FN1: variants seen among roughly 807,000 people sequenced by gnomAD.
The protein encoded by FN1 is fibronectin 1, also known as fibronectin.
In FN1, 106 loss-of-function variants were observed where a neutral mutation model predicts 297.3. The observed-to-expected ratio is 0.36, with a 90% CI of 0.30 to 0.42. The LOEUF (loss-of-function observed/expected upper bound fraction) is 0.42, where lower values mean the gene tolerates loss of function less well. FN1 is among the 10% of genes least tolerant of loss of function. The pLI is 1.00. For synonymous variants in FN1, 1,149 were observed against 1,152.6 expected (o/e 1.00, Z 0.06); for missense variants, 2,690 against 3,124.9 (o/e 0.86, Z 3.32).
At chr2:215,434,638 T>G in intron 2 of FN1, 58 bp downstream of exon 2, 1 of 1,601,394 alleles carries the variant, frequency 6.2e-7, no homozygotes, top group Non-Finnish European at 8.6e-7. Flanking sequence ...ATGCAAAGTT[T>G]AACAATTACC....
At chr2:215,362,680 T>C (rs1393015349) in intron 44 of FN1, 1 of 155,212 alleles carries the variant, frequency 6.4e-6, no homozygotes. Flanking sequence ...TGGCCGGAGA[T>C]GGCATGGGAG....
At chr2:215,423,087 T>C (rs1013699946) in intron 9 of FN1, among the ~76,000 whole-genome samples, 2 of 152,158 alleles carry the variant, frequency 1.3e-5, no homozygotes, top group African/African-American at 2.4e-5. Context: ...TAAGTAATTA[T>C]ATTTTTGACA....
rs772706420 is a variant in FN1, at chr2:215,433,420, G to C, written c.319C>G (p.Arg107Gly). 2 of 1,614,128 alleles carry C rather than the reference G, an allele frequency of 1.2e-6. No individual in the cohort carries two copies. The highest frequency in any genetic ancestry group is 1.1e-5 in the South Asian group (1 of 91,080). ...CFDKYTGNTY[R>G]VGDTYERPKD... ...GGACGCTCATAAGTGTCACCCACTC[G>C]GTAAGTGTTCCCAGTGTACTTGTCA... The change falls in exon 3 of 46, where the codon CGA becomes GGA. Residue 107 changes from arginine to glycine, a missense_variant. Physicochemically the swap from Arg to Gly is moderately radical, Grantham distance 125. Transcript: ENST00000354785.
At chr2:215,426,467 T>C (rs900888278) in intron 6 of FN1, among the ~76,000 whole-genome samples, 13 of 151,118 alleles carry the variant, frequency 8.6e-5, no homozygotes, top group Admixed American at 2.0e-4. Context: ...TTTCAACTTT[T>C]AGATATCTGT....
intron 20 of FN1, among the ~76,000 whole-genome samples, chr2:215,401,240 AAGAAAGAAAGG>A (rs766327625): frequency 0.011 from 739 of 64,660 alleles, 16 homozygotes; most frequent in Middle Eastern, 0.043. Context: ...GAAAGAAAGA[AAGAAAGAAAGG>A]AAGAAAGAAA....
chr2:215,419,340 T>A lies in FN1; in HGVS notation c.1721A>T (p.Asp574Val). The change falls in exon 12 of 46, where the codon GAT becomes GTT. Residue 574 changes from aspartate (D) to valine (V), a missense_variant. Asp to Val is a radical substitution (Grantham distance 152). Coordinates refer to ENST00000354785, the MANE Select transcript of FN1 (RefSeq NM_212482.4). ...SETGTFYQIG[D>V]SWEKYVHGVR... ...ACCATGCACATACTTCTCCCATGAA[T>A]CTCCAATTTGATAAAACGTCCCAGT... 1 of 1,613,452 alleles carries A rather than the reference T, an allele frequency of 6.2e-7. No individual in the cohort carries two copies. Among genetic ancestry groups the A allele is most frequent in the South Asian group, 1.1e-5 (1 of 91,062 alleles).
chr2:215,409,969 T>G lies in FN1; in HGVS notation c.2087A>C (p.Asp696Ala), dbSNP rs752504759. The G allele has an allele frequency of 6.2e-7, 1 of 1,613,620 alleles. No individual in the cohort carries two copies. ...QYGHQEVTRF[D>A]FTTTSTSTPV... ...TGTGCTGGTGCTGGTGGTGGTGAAGTCAAAGCGAGTCACTTCTTGGTGGCC... is the reference window on the plus strand; with the variant it reads ...TGTGCTGGTGCTGGTGGTGGTGAAGGCAAAGCGAGTCACTTCTTGGTGGCC... The change falls in exon 14 of 46, where the codon GAC becomes GCC. Residue 696 changes from aspartate to alanine, a missense_variant. Asp to Ala is a moderately radical substitution (Grantham distance 126, BLOSUM62 -2). Coordinates refer to ENST00000354785, the MANE Select transcript of FN1 (RefSeq NM_212482.4).
chr2:215,397,905 C>G lies in FN1; in HGVS notation c.3349-57G>C, dbSNP rs955336931. The stretch of plus-strand genomic sequence containing the variant: ...GACAAATATTTCCAGAGGACTGTTA[C>G]TGCTGTGAGGCTATGATTATGCTTT... On this transcript the variant is annotated intron_variant, in intron 21 of 45. Coordinates refer to ENST00000354785, the MANE Select transcript of FN1 (RefSeq NM_212482.4). 26 of 1,428,626 alleles carry G rather than the reference C, an allele frequency of 1.8e-5. No individual in the cohort carries two copies. In the East Asian group the frequency reaches 2.7e-4, roughly 15 times the overall value. 88.5% of individuals were successfully genotyped at this position (1,428,626 alleles called of 1,614,324 possible).
chr2:215,408,558 G>A, intron 15 of FN1, 132 bp from the exon 16 acceptor site: 1 of 825,284 alleles, frequency 1.2e-6, no homozygotes, highest in Non-Finnish European at 2.0e-6. Context: ...TGTGCTAATA[G>A]CTAATCAGTG....
At chr2:215,371,315 G>A (rs912946571) in intron 40 of FN1, among the ~76,000 whole-genome samples, 9 of 151,350 alleles carry the variant, frequency 5.9e-5, no homozygotes, top group South Asian at 4.2e-4. Flanking sequence ...AATAATATAC[G>A]TTTTAGAGAA....
At chr2:215,370,958 C>T (rs1297604544) in intron 40 of FN1, among the ~76,000 whole-genome samples, 1 of 152,152 alleles carries the variant, frequency 6.6e-6, no homozygotes, top group African/African-American at 2.4e-5. Context: ...AAAGTAACAA[C>T]ACAATAAAAA....
intron 19 of FN1, 22 bp from the exon 20 acceptor site, chr2:215,404,677 G>T (rs1010921884): frequency 1.2e-6 from 2 of 1,606,888 alleles, no homozygotes; most frequent in African/African-American, 2.7e-5. Context: ...GATGAAACAT[G>T]CCAAGAAATA....
intron 8 of FN1, among the ~76,000 whole-genome samples, chr2:215,423,759 C>T (rs1399331127): frequency 2.7e-5 from 4 of 150,452 alleles, no homozygotes; most frequent in Non-Finnish European, 5.9e-5. Flanking sequence ...ACCCCCCCCA[C>T]AAAAGATTAA....
Position 215,404,409 on chromosome 2 carries a change from G to A in FN1, c.3233C>T (p.Ala1078Val), listed in dbSNP as rs775917038. ...CTTACGTGTGGTAAAGACTCCAGTG[G>A]CTTTGGGGCTCTCTTGGTTGCCCTT... ...AIKGNQESPKATGVFTTLQPG... is the reference protein window; with the variant it reads ...AIKGNQESPKVTGVFTTLQPG... The change falls in exon 20 of 46, where the codon GCC becomes GTC. Residue 1078 changes from alanine to valine, a missense_variant. This residue lies in a region of FN1 where 1,743 missense variants were observed against 1,945.2 expected (regional missense o/e 0.90). Transcript: ENST00000354785. The A allele has an allele frequency of 6.2e-7, 1 of 1,614,028 alleles. No homozygotes were observed. The highest frequency in any genetic ancestry group is 1.7e-5 in the Admixed American group (1 of 59,998).
chr2:215,366,067 C>T (rs947129150), intron 42 of FN1, among the ~76,000 whole-genome samples: 1 of 151,384 alleles, frequency 6.6e-6, no homozygotes, highest in Non-Finnish European at 1.5e-5. Context: ...ATCCACCCGC[C>T]TCAGCCTCCA....
Position 215,406,353 on chromosome 2 carries a change from G to A in FN1, c.2871C>T (p.Ser957=), listed in dbSNP as rs754850337. The A allele has an allele frequency of 8.7e-6, 14 of 1,614,232 alleles. No individual in the cohort carries two copies. In the South Asian group the frequency reaches 1.5e-4, roughly 18 times the overall value. The stretch of plus-strand genomic sequence containing the variant: ...CGGTGACTTCTGCAAAGGTGTTCCT[G>A]CTGATGGGCAGCCTCTGCCCGTGCT... The part of the protein sequence containing the change: ...PGEHGQRLPI[S]RNTFAEVTGL... Residue 957 remains serine, a synonymous_variant, in exon 19 of 46, where the codon AGC becomes AGT. Transcript: ENST00000354785.
At position 215,365,780 on chromosome 2, in the gene FN1, T is replaced by C. The variant is rs112179130; in HGVS notation, c.7019-150A>G. The C allele has an allele frequency of 2.2e-3, 962 of 433,768 alleles. 6 individuals carry two copies. The highest frequency in any genetic ancestry group is 0.018 in the African/African-American group (864 of 48,088). 26.9% of individuals were successfully genotyped at this position (433,768 alleles called of 1,614,324 possible). ...GATAAAAACCCCTATAATGGGCCATTTATTTTATTTATTTATTTACTTTTT... is the reference window on the plus strand; with the variant it reads ...GATAAAAACCCCTATAATGGGCCATCTATTTTATTTATTTATTTACTTTTT... On this transcript the variant is annotated intron_variant, in intron 42 of 45. Coordinates refer to ENST00000354785, the MANE Select transcript of FN1 (RefSeq NM_212482.4).
intron 36 of FN1, 100 bp from the exon 37 acceptor site, chr2:215,375,818 A>G (rs1316858190): frequency 1.3e-6 from 1 of 761,030 alleles, no homozygotes; most frequent in African/African-American, 1.7e-5. Context: ...ATCATCCCAT[A>G]TTTATATAGA....
At chr2:215,430,196 T>C (rs988696602) in intron 5 of FN1, among the ~76,000 whole-genome samples, 4 of 152,218 alleles carry the variant, frequency 2.6e-5, no homozygotes, top group Middle Eastern at 3.2e-3. Flanking sequence ...ACAAACTCTC[T>C]AGCTGTTATT....
Sources: gnomAD v4.1 joint callset for allele counts (sites outside exome capture counted in the v4.1 genomes callset) on GRCh38, gnomAD v4.1.1 for gene constraint, gnomAD v4.1.1 regional missense constraint, MANE v1.5 for transcripts, NCBI Gene and HGNC (gene_info 2026-07-23, HGNC 2026-07-21) for gene names.